Variants in XPA observed in about 807,000 individuals in gnomAD.
The protein encoded by XPA is DNA repair protein complementing XP-A cells.
Under a neutral mutation model 35.7 loss-of-function variants are expected in XPA, and 27 were observed. That is an observed-to-expected ratio of 0.76 (90% CI 0.56 to 1.04). The LOEUF (loss-of-function observed/expected upper bound fraction) is 1.04, where lower values mean the gene tolerates loss of function less well. Ranked by LOEUF, XPA falls within the 50% of genes least tolerant of loss-of-function variation. The probability of loss-of-function intolerance (pLI) is 0.00; values close to 1 mark genes in which losing one functional copy is unlikely to be tolerated. For missense variants in XPA, 354 were observed against 342.7 expected, an observed-to-expected ratio of 1.03 and a Z score of -0.26; for synonymous variants, 133 against 118.4, an observed-to-expected ratio of 1.12 and a Z score of -0.80.
At chr9:97,668,672 AACC>A in the XPA span, among the ~76,000 whole-genome samples, 7 of 152,114 alleles carry the variant, frequency 4.6e-5, no homozygotes, top group Non-Finnish European at 7.3e-5. Context: ...AGTGTCTCTG[AACC>A]ACAACAGGAC....
chr9:97,686,657 C>T (rs1587745697), intron 4 of XPA, among the ~76,000 whole-genome samples: 1 of 151,988 alleles, frequency 6.6e-6, no homozygotes, highest in South Asian at 2.1e-4. Context: ...CCAGGCGTGG[C>T]GGCTCATGCC....
At chr9:97,666,473 C>T in the XPA span, among the ~76,000 whole-genome samples, 1 of 152,100 alleles carries the variant, frequency 6.6e-6, no homozygotes, top group East Asian at 1.9e-4. Context: ...CATAGTTTGC[C>T]ATTTCAATTC....
intron 4 of XPA, among the ~76,000 whole-genome samples, chr9:97,686,072 T>C (rs1428886502): frequency 6.6e-6 from 1 of 152,230 alleles, no homozygotes; most frequent in African/African-American, 2.4e-5. Flanking sequence ...TAGTGAATGT[T>C]CTAATCAACA....
chr9:97,697,164 C>T lies in XPA; in HGVS notation c.129G>A (p.Leu43=). The stretch of plus-strand genomic sequence containing the variant: ...CCGTCGCCGAGTAGGGCCGGGCAGC[C>T]AGCCGGGCCTGGCGCAGCATCAGTG... The part of the protein sequence containing the change: ...QRALMLRQAR[L]AARPYSATAA... The change falls in exon 1 of 6, where the codon CTG becomes CTA. Residue 43 remains leucine (L), a synonymous_variant. Transcript: ENST00000375128. The T allele has an allele frequency of 6.3e-7, 1 of 1,578,360 alleles. No homozygotes were observed. The highest frequency in any genetic ancestry group is 8.6e-7 in the Non-Finnish European group (1 of 1,165,936).
At chr9:97,696,412 CAAT>C (rs2131409846) in intron 1 of XPA, among the ~76,000 whole-genome samples, 1 of 152,298 alleles carries the variant, frequency 6.6e-6, no homozygotes, top group South Asian at 2.1e-4. Flanking sequence ...TTACTTCAAT[CAAT>C]AAACACGTTT....
chr9:97,668,026 G>A, the XPA span, among the ~76,000 whole-genome samples: 2 of 152,176 alleles, frequency 1.3e-5, no homozygotes, highest in Non-Finnish European at 2.9e-5. Flanking sequence ...TCCGAGAGCA[G>A]GGTTCTGATA....
chr9:97,664,195 G>C, the XPA span: 1 of 524,226 alleles, frequency 1.9e-6, no homozygotes, highest in Admixed American at 3.2e-5. Flanking sequence ...AAGACCTAAT[G>C]GTCAGATTGA....
downstream of XPA, chr9:97,673,213 G>A (rs1403353619): frequency 6.6e-6 from 1 of 152,224 alleles, no homozygotes; most frequent in African/African-American, 2.4e-5. Flanking sequence ...TGGGCTATTG[G>A]TGGTTAAGTT....
the XPA span, among the ~76,000 whole-genome samples, chr9:97,657,690 A>T: frequency 6.6e-6 from 1 of 152,058 alleles, no homozygotes; most frequent in Non-Finnish European, 1.5e-5. Flanking sequence ...TGATTTTCTC[A>T]TTCCATTATT....
chr9:97,664,547 A>G, the XPA span: 1 of 715,060 alleles, frequency 1.4e-6, no homozygotes, highest in East Asian at 2.7e-5. Flanking sequence ...GTTGATATTA[A>G]TATACTAATG....
chr9:97,693,278 A>G (rs1828946009), intron 2 of XPA, among the ~76,000 whole-genome samples: 1 of 152,178 alleles, frequency 6.6e-6, no homozygotes, highest in Non-Finnish European at 1.5e-5. Flanking sequence ...CTTTCTCCAC[A>G]GATAAATAAA....
downstream of XPA, among the ~76,000 whole-genome samples, chr9:97,674,723 C>T (rs1828295832): frequency 6.6e-6 from 1 of 152,190 alleles, no homozygotes; most frequent in African/African-American, 2.4e-5. Flanking sequence ...GCATGCCTGG[C>T]ACCTGGTTGG....
chr9:97,669,929 C>T, downstream of XPA: 3 of 565,084 alleles, frequency 5.3e-6, no homozygotes, highest in Non-Finnish European at 9.6e-6. Context: ...CCCCCCGCCC[C>T]ACCTTTTTTT....
chr9:97,657,119 A>C, the XPA span, among the ~76,000 whole-genome samples: 2 of 152,120 alleles, frequency 1.3e-5, no homozygotes, highest in Admixed American at 1.3e-4. Flanking sequence ...GGCGCCCGCC[A>C]CCACGCCTGG....
intron 5 of XPA, among the ~76,000 whole-genome samples, chr9:97,680,666 A>T (rs1303224476): frequency 1.3e-5 from 2 of 152,256 alleles, no homozygotes; most frequent in Admixed American, 6.5e-5. Context: ...AATAAAAAAA[A>T]TTTAAGATAA....
At chr9:97,688,549 T>C (rs1828788387) in intron 3 of XPA, among the ~76,000 whole-genome samples, 1 of 152,242 alleles carries the variant, frequency 6.6e-6, no homozygotes, top group South Asian at 2.1e-4. Flanking sequence ...GCTTCCATTT[T>C]CTCTTGGAAA....
the XPA span, among the ~76,000 whole-genome samples, chr9:97,668,229 T>A: frequency 6.6e-6 from 1 of 152,244 alleles, no homozygotes; most frequent in Non-Finnish European, 1.5e-5. Context: ...ATCTAACCTC[T>A]CAGCCTTTTT....
chr9:97,670,336 G>A (rs780482423), downstream of XPA, among the ~76,000 whole-genome samples: 40 of 152,222 alleles, frequency 2.6e-4, no homozygotes, highest in Non-Finnish European at 4.8e-4. Flanking sequence ...GTTATCCAAT[G>A]TGCAGGTGGT....
the XPA span, among the ~76,000 whole-genome samples, chr9:97,665,180 T>C: frequency 2.0e-5 from 3 of 152,330 alleles, no homozygotes; most frequent in East Asian, 5.8e-4. Flanking sequence ...ATATACTGAA[T>C]TGTTAGGGTG....
Sources: allele counts gnomAD v4.1 joint callset (sites outside exome capture counted in the v4.1 genomes callset), GRCh38; gene constraint gnomAD v4.1.1; transcripts MANE v1.5; gene names NCBI Gene and HGNC (gene_info 2026-07-23, HGNC 2026-07-21).